The following CDKL3 variants were observed in gnomAD, a reference collection of about 807,000 sequenced individuals.
The protein encoded by CDKL3 is cyclin-dependent kinase-like 3.
Under a neutral mutation model 69.3 loss-of-function variants are expected in CDKL3, and 65 were observed. The ratio of observed to expected loss-of-function variants is 0.94; its 90% confidence interval spans 0.77 to 1.15. CDKL3 has a LOEUF of 1.15. Among genes scored for constraint, CDKL3 ranks in the 50% most tolerant of loss-of-function variants. CDKL3 has a pLI of 0.00. For synonymous variants in CDKL3, 202 were observed against 221.6 expected (o/e 0.91, Z 0.79); for missense variants, 652 against 689.2 (o/e 0.95, Z 0.61).
rs1054855874 is a variant in CDKL3 at position 134,319,523 on chromosome 5, T to TA, written c.653-27dup. 1.4e-5 allele frequency: 21 copies of TA among 1,498,242 alleles called. No individual in the cohort carries two copies. In the Admixed American group the frequency reaches 3.3e-4, roughly 24 times the overall value. The allele number at this position is 1,498,242 out of a possible 1,614,324, so 92.8% of individuals were successfully genotyped here. A position where few individuals can be genotyped will look rare whatever the true frequency, so the allele number is the denominator to read the frequency against. On this transcript the variant is annotated intron_variant, in intron 5 of 12. Coordinates refer to ENST00000265334, the MANE Select transcript of CDKL3 (RefSeq NM_001113575.2). Reference sequence around the variant, plus strand: ...CTGAAAAGAGAAAAAAATGTATATTTAAAAAACAGAGAAATAGTCTATAAT... The same window carrying TA: ...CTGAAAAGAGAAAAAAATGTATATTTAAAAAAACAGAGAAATAGTCTATAAT...
chr5:134,306,281 G>A (rs370723160), intron 10 of CDKL3, among the ~76,000 whole-genome samples: 1 of 152,162 alleles, frequency 6.6e-6, no homozygotes, highest in Non-Finnish European at 1.5e-5. Flanking sequence ...GATCCCTTGA[G>A]CTCAGGAGTT....
At chr5:134,350,831 G>GAAAAAAAAAAAAAGAAAAAAAAA (rs1753091640) in intron 3 of CDKL3, among the ~76,000 whole-genome samples, 2 of 82,358 alleles carry the variant, frequency 2.4e-5, no homozygotes, top group African/African-American at 3.9e-5. Flanking sequence ...AGAAAAAAAA[G>GAAAAAAAAAAAAAGAAAAAAAAA]AAAAAAAAAA....
At chr5:134,355,313 A>G (rs2149622955) in intron 3 of CDKL3, among the ~76,000 whole-genome samples, 1 of 152,088 alleles carries the variant, frequency 6.6e-6, no homozygotes, top group South Asian at 2.1e-4. Flanking sequence ...GAAACACCTT[A>G]CTTCATATAA....
At chr5:134,347,748 T>C (rs1752301809) in intron 4 of CDKL3, among the ~76,000 whole-genome samples, 1 of 150,246 alleles carries the variant, frequency 6.7e-6, no homozygotes, top group African/African-American at 2.4e-5. Context: ...ACATGCTATG[T>C]TAAGTGAAAA....
chr5:134,301,729 T>A lies in CDKL3; in HGVS notation c.1719+861A>T, dbSNP rs10074220. 2.5e-3 allele frequency among the ~76,000 whole-genome samples: 375 copies of A among 151,878 alleles called. 3 individuals carry two copies. The highest frequency in any genetic ancestry group is 8.9e-3 in the African/African-American group (367 of 41,386). The stretch of plus-strand genomic sequence containing the variant: ...ACCCCGTCTCTACTAAAAATATTTT[T>A]TAAAAAAAATAGCTGGGTGTGGTGG... On this transcript the variant is annotated intron_variant, in intron 12 of 12. Coordinates refer to ENST00000265334, the MANE Select transcript of CDKL3 (RefSeq NM_001113575.2).
At chr5:134,299,655 C>G (rs971446036) in intron 12 of CDKL3, 2 of 1,518,714 alleles carry the variant, frequency 1.3e-6, no homozygotes, top group Admixed American at 4.2e-5. Flanking sequence ...AAAAACCATA[C>G]AGTGATTCTG....
chr5:134,329,923 T>C (rs1367695231), intron 4 of CDKL3, among the ~76,000 whole-genome samples: 2 of 151,528 alleles, frequency 1.3e-5, no homozygotes, highest in African/African-American at 2.4e-5. Context: ...GGCAGGAGAA[T>C]TGCTTGAGTC....
intron 4 of CDKL3, among the ~76,000 whole-genome samples, chr5:134,333,915 A>G (rs1776412587): frequency 1.3e-5 from 2 of 152,168 alleles, no homozygotes; most frequent in Non-Finnish European, 2.9e-5. Flanking sequence ...CTCTGGTAGA[A>G]TTTGGCTATG....
chr5:134,371,603 C>T (rs774865117), upstream of CDKL3: 7 of 1,612,946 alleles, frequency 4.3e-6, no homozygotes, highest in Non-Finnish European at 8.5e-7. Flanking sequence ...AGCATGTCGA[C>T]CCCGGCCCGG....
chr5:134,341,577 C>T (rs1750503194), intron 4 of CDKL3, among the ~76,000 whole-genome samples: 1 of 152,266 alleles, frequency 6.6e-6, no homozygotes, highest in South Asian at 2.1e-4. Context: ...GAAAAGCAGC[C>T]CCAAATCATT....
intron 4 of CDKL3, among the ~76,000 whole-genome samples, chr5:134,345,043 C>T (rs1200363026): frequency 5.3e-5 from 8 of 151,790 alleles, no homozygotes; most frequent in East Asian, 3.9e-4. Context: ...CCAGCCTGGG[C>T]GACAGAGAGA....
chr5:134,331,867 G>A (rs1459894890), intron 4 of CDKL3, among the ~76,000 whole-genome samples: 1 of 152,124 alleles, frequency 6.6e-6, no homozygotes, highest in African/African-American at 2.4e-5. Flanking sequence ...CGATCCTTGA[G>A]GAATCGCCAC....
At chr5:134,283,666 A>T (rs12655912), downstream of CDKL3, among the ~76,000 whole-genome samples, 347 of 151,992 alleles carry the variant, frequency 2.3e-3, 2 homozygotes, top group East Asian at 0.023. Flanking sequence ...CCCCTCCCAA[A>T]TCTCATATCC....
chr5:134,295,803 T>A (rs1242074692), downstream of CDKL3, among the ~76,000 whole-genome samples: 2 of 152,238 alleles, frequency 1.3e-5, no homozygotes, highest in Non-Finnish European at 2.9e-5. Context: ...TAGTGCTGGG[T>A]TGTACATTGT....
chr5:134,298,226 A>T, downstream of CDKL3: 15 of 982,460 alleles, frequency 1.5e-5, no homozygotes, highest in Non-Finnish European at 1.8e-5. Flanking sequence ...GAGCCATTGC[A>T]CCCAGCCATG....
intron 12 of CDKL3, among the ~76,000 whole-genome samples, chr5:134,300,462 A>G (rs754261785): frequency 6.6e-5 from 10 of 152,204 alleles, no homozygotes; most frequent in Admixed American, 6.5e-5. Context: ...GCAATTCCCT[A>G]TCTTATGTTT....
At chr5:134,336,148 T>C (rs1366028309) in intron 4 of CDKL3, among the ~76,000 whole-genome samples, 3 of 152,210 alleles carry the variant, frequency 2.0e-5, no homozygotes, top group East Asian at 1.9e-4. Flanking sequence ...CATGAAGTTT[T>C]TCGTACTGTG....
upstream of CDKL3, among the ~76,000 whole-genome samples, chr5:134,370,360 G>A (rs1276850352): frequency 6.6e-6 from 1 of 152,188 alleles, no homozygotes; most frequent in Non-Finnish European, 1.5e-5. Context: ...GTGGTGGGGG[G>A]CCCTTCTGGC....
chr5:134,301,244 C>T (rs1766222915), intron 12 of CDKL3, among the ~76,000 whole-genome samples: 1 of 152,136 alleles, frequency 6.6e-6, no homozygotes, highest in African/African-American at 2.4e-5. Context: ...GTGATCCACC[C>T]TCTTCAGCCT....
Sources: gnomAD v4.1 joint callset for allele counts (sites outside exome capture counted in the v4.1 genomes callset) on GRCh38, gnomAD v4.1.1 for gene constraint, MANE v1.5 for transcripts, NCBI Gene and HGNC (gene_info 2026-07-23, HGNC 2026-07-21) for gene names.